The following KIAA2012 variants were observed in gnomAD, a reference collection of about 807,000 sequenced individuals.
KIAA2012 encodes uncharacterized protein KIAA2012.
In KIAA2012, 125 loss-of-function variants were observed where a neutral mutation model predicts 150.6. The observed-to-expected ratio is 0.83, with a 90% CI of 0.72 to 0.96. The LOEUF (loss-of-function observed/expected upper bound fraction) is 0.96, where lower values mean the gene tolerates loss of function less well. Among genes scored for constraint, KIAA2012 ranks in the 40% least tolerant of loss-of-function variants. KIAA2012 has a pLI of 0.00. For synonymous variants in KIAA2012, 462 were observed against 504.7 expected, an observed-to-expected ratio of 0.92 and a Z score of 1.13; for missense variants, 1,219 against 1,354.9, an observed-to-expected ratio of 0.90 and a Z score of 1.57.
intron 22 of KIAA2012, chr2:202,201,276 G>A: frequency 1.3e-6 from 2 of 1,563,720 alleles, no homozygotes; most frequent in Non-Finnish European, 8.8e-7. Flanking sequence ...CCAACAACAT[G>A]TGTCTAAACT....
At position 202,161,378 on chromosome 2, in the gene KIAA2012, G is replaced by T. The variant is rs78526704; in HGVS notation, c.2047-3906G>T. On this transcript the variant is annotated intron_variant, in intron 14 of 23. Coordinates refer to ENST00000498697, the MANE Select transcript of KIAA2012 (RefSeq NM_001277372.4). ...AGTGGTTTGCTTGAAATTCTTTACT[G>T]TGTCCCCATTGGCCCTCTGGTTAAA... Among the ~76,000 whole-genome samples, 4 of 152,054 alleles carry T rather than the reference G, an allele frequency of 2.6e-5. No individual in the cohort carries two copies. The East Asian group carries it at 7.7e-4, about 29-fold the overall frequency.
rs71025277 is a variant in KIAA2012 at position 202,111,509 on chromosome 2, CAAAAAAAAAAAA to C, written c.1651+1736_1651+1747del. On this transcript the variant is annotated intron_variant, in intron 10 of 23. Coordinates refer to ENST00000498697, the MANE Select transcript of KIAA2012 (RefSeq NM_001277372.4). ...TGAGCAACAGAGCAAGACTCTGTCT[CAAAAAAAAAAAA>C]AAAAAAAAAAAAAAAGGATAGAATG... Among the ~76,000 whole-genome samples, 33 of 57,628 alleles carry C rather than the reference CAAAAAAAAAAAA, an allele frequency of 5.7e-4. 2 individuals carry two copies. In the South Asian group the frequency reaches 1.0e-2, roughly 17 times the overall value. The allele number at this position is 57,628 out of a possible 152,430, so 37.8% of individuals were successfully genotyped here.
Position 202,165,309 on chromosome 2 carries a change from A to T in KIAA2012, c.2072A>T (p.Gln691Leu). The change falls in exon 15 of 24, where the codon CAG becomes CTG. Residue 691 changes from glutamine (Q) to leucine (L), a missense_variant. Transcript: ENST00000498697. ...LKESGNALDY[Q>L]EEAGRPLRET... ...GAAAGTGGAAATGCACTGGACTATC[A>T]GGAAGAAGCAGGGAGACCCCTCAGA... The T allele has an allele frequency of 1.9e-6, 3 of 1,550,420 alleles. No individual in the cohort carries two copies. The highest frequency in any genetic ancestry group is 2.6e-6 in the Non-Finnish European group (3 of 1,146,830).
At chr2:202,119,165 G>A (rs991485962) in intron 11 of KIAA2012, among the ~76,000 whole-genome samples, 12 of 152,042 alleles carry the variant, frequency 7.9e-5, no homozygotes, top group African/African-American at 1.9e-4. Flanking sequence ...CCAGCTACTC[G>A]GGAGGCTGAG....
intron 11 of KIAA2012, among the ~76,000 whole-genome samples, chr2:202,118,315 TG>T (rs941241659): frequency 5.9e-5 from 9 of 152,094 alleles, no homozygotes; most frequent in Non-Finnish European, 5.9e-5. Flanking sequence ...TAAAGGAAAA[TG>T]TGGCTGGATA....
intron 2 of KIAA2012, among the ~76,000 whole-genome samples, chr2:202,084,563 C>T (rs540699687): frequency 4.6e-5 from 7 of 152,274 alleles, no homozygotes; most frequent in Admixed American, 1.3e-4. Flanking sequence ...TTGGCAAAGC[C>T]GAGGCAGGCC....
chr2:202,137,731 A>G (rs1691106923), intron 12 of KIAA2012: 1 of 152,214 alleles, frequency 6.6e-6, no homozygotes, highest in South Asian at 2.1e-4. Flanking sequence ...AAACCTCACT[A>G]GTGGTACAAC....
intron 8 of KIAA2012, 132 bp downstream of exon 8, chr2:202,103,246 A>G: frequency 1.2e-6 from 1 of 854,318 alleles, no homozygotes; most frequent in South Asian, 2.1e-5. Flanking sequence ...TTAAAGAAGG[A>G]AAAAGGATAA....
At chr2:202,182,207 C>T (rs1337316912) in intron 15 of KIAA2012, among the ~76,000 whole-genome samples, 5 of 150,802 alleles carry the variant, frequency 3.3e-5, no homozygotes, top group South Asian at 4.2e-4. Context: ...CTCCACCTCC[C>T]GGGTTCAAGC....
intron 13 of KIAA2012, 76 bp from the exon 14 acceptor site, chr2:202,154,597 T>C: frequency 1.5e-6 from 2 of 1,300,534 alleles, no homozygotes; most frequent in Non-Finnish European, 2.1e-6. Flanking sequence ...CTGTAAATAT[T>C]TGGGGATTTG....
Position 202,187,109 on chromosome 2 carries a change from A to C in KIAA2012, c.2376+11A>C. ...GCCAACATCAGTCATGTGAGTGTAA[A>C]CCCCTAAAAGCTTGGTCCAAAAGCC... is the stretch of plus-strand genomic sequence containing the variant. On this transcript the variant is annotated intron_variant, in intron 17 of 23. Coordinates refer to ENST00000498697, the MANE Select transcript of KIAA2012 (RefSeq NM_001277372.4). The C allele has an allele frequency of 1.3e-6, 2 of 1,549,864 alleles. No individual in the cohort carries two copies. Among genetic ancestry groups the C allele is most frequent in the Non-Finnish European group, 1.7e-6 (2 of 1,146,642 alleles).
chr2:202,167,479 T>C (rs1640715427), intron 15 of KIAA2012, among the ~76,000 whole-genome samples: 1 of 152,180 alleles, frequency 6.6e-6, no homozygotes, highest in South Asian at 2.1e-4. Context: ...TTGTTTCCAG[T>C]ATGTATTTCC....
chr2:202,093,383 T>C (rs1689783454), intron 4 of KIAA2012, among the ~76,000 whole-genome samples, 198 bp downstream of exon 4: 1 of 152,236 alleles, frequency 6.6e-6, no homozygotes, highest in Admixed American at 6.5e-5. Flanking sequence ...ATATGGGCTG[T>C]CCAATAAAGT....
intron 15 of KIAA2012, chr2:202,178,932 C>A: frequency 4.4e-6 from 1 of 226,514 alleles, no homozygotes; most frequent in Non-Finnish European, 8.7e-6. Flanking sequence ...AACAGATTAA[C>A]TGTAGTATTA....
chr2:202,105,835 G>T lies in KIAA2012; in HGVS notation c.1399G>T (p.Ala467Ser), dbSNP rs1170531207. 6.4e-7 allele frequency: 1 copy of T among 1,550,764 alleles called. No individual in the cohort carries two copies. The highest frequency in any genetic ancestry group is 8.7e-7 in the Non-Finnish European group (1 of 1,147,030). ...TGTGTGGAGACCTCCCCTGAAGCAT[G>T]CGTCCTTAGAAACACCATGGGAGTT... ...TPVWRPPLKH[A>S]SLETPWELTV... Residue 467 changes from alanine (A) to serine (S), a missense_variant, in exon 9 of 24, where the codon GCG becomes TCG. Transcript: ENST00000498697.
Position 202,105,820 on chromosome 2 carries a change from C to T in KIAA2012, c.1384C>T (p.Pro462Ser), listed in dbSNP as rs773970124. The change falls in exon 9 of 24, where the codon CCT becomes TCT. Residue 462 changes from proline (P) to serine (S), a missense_variant. Pro to Ser is a moderately conservative substitution (Grantham distance 74, BLOSUM62 -1). Coordinates refer to ENST00000498697, the MANE Select transcript of KIAA2012 (RefSeq NM_001277372.4). ...CGAAGAATCCACACCTGTGTGGAGA[C>T]CTCCCCTGAAGCATGCGTCCTTAGA... ...SSEESTPVWR[P>S]PLKHASLETP... The T allele has an allele frequency of 1.3e-4, 199 of 1,550,548 alleles. 1 individual carries two copies. Among genetic ancestry groups the T allele is most frequent in the Non-Finnish European group, 1.7e-4 (195 of 1,147,016 alleles).
rs546216673 is a variant in KIAA2012 at position 202,151,902 on chromosome 2, A to G, written c.1909-2771A>G. ...CAGCTTTCTGAGTAGCTGGGACTAC[A>G]GGCACACACCACCACACCCAGCTAA... On this transcript the variant is annotated intron_variant, in intron 13 of 23. Coordinates refer to ENST00000498697, the MANE Select transcript of KIAA2012 (RefSeq NM_001277372.4). Among the ~76,000 whole-genome samples the G allele has an allele frequency of 1.4e-3, 216 of 152,178 alleles. 1 individual carries two copies. The highest frequency in any genetic ancestry group is 4.8e-3 in the African/African-American group (200 of 41,506).
At chr2:202,132,759 T>TATATATAC (rs1349918041) in intron 12 of KIAA2012, among the ~76,000 whole-genome samples, 1 of 124,016 alleles carries the variant, frequency 8.1e-6, no homozygotes, top group Non-Finnish European at 1.7e-5. Flanking sequence ...TATATATGTA[T>TATATATAC]ATATATACAT....
Position 202,090,871 on chromosome 2 carries a change from C to T in KIAA2012, c.471C>T (p.Tyr157=). ...QIQPGHSAKR[Y]LRGLLRTWPP... ...AGCCAGGGCATTCAGCCAAGAGATA[C>T]CTCCGAGGCCTCCTGCGGACTTGGC... The change falls in exon 3 of 24, where the codon TAC becomes TAT. Residue 157 remains tyrosine, a synonymous_variant. Coordinates refer to ENST00000498697, the MANE Select transcript of KIAA2012 (RefSeq NM_001277372.4). 1 of 1,550,548 alleles carries T rather than the reference C, an allele frequency of 6.4e-7. No homozygotes were observed. Among genetic ancestry groups the T allele is most frequent in the Admixed American group, 2.0e-5 (1 of 51,008 alleles).
Sources: allele counts gnomAD v4.1 joint callset (sites outside exome capture counted in the v4.1 genomes callset), GRCh38; gene constraint gnomAD v4.1.1; transcripts MANE v1.5; gene names NCBI Gene and HGNC (gene_info 2026-07-23, HGNC 2026-07-21).